Variants in SLC26A2 observed in about 807,000 individuals in gnomAD.
SLC26A2 encodes solute carrier family 26 member 2.
In SLC26A2, 36 loss-of-function variants were observed where a neutral mutation model predicts 41.1. The ratio of observed to expected loss-of-function variants is 0.88; its 90% CI spans 0.67 to 1.16. SLC26A2 has a LOEUF of 1.16. SLC26A2 is among the 50% of genes most tolerant of loss of function. The pLI, the probability that SLC26A2 is intolerant of heterozygous loss-of-function variation, is 0.00. For synonymous variants in SLC26A2, 291 were observed against 311.6 expected (o/e 0.93, Z 0.70); for missense variants, 796 against 869.6 (o/e 0.92, Z 1.07).
intron 1 of SLC26A2, among the ~76,000 whole-genome samples, chr5:149,961,716 A>G (rs245055): frequency 0.21 from 32,286 of 151,944 alleles, 4,158 homozygotes; most frequent in South Asian, 0.39. Flanking sequence ...CTTGTCCCCA[A>G]CAGTTCTTTA....
chr5:149,973,157 T>A (rs1390280584), intron 1 of SLC26A2, among the ~76,000 whole-genome samples: 3 of 151,710 alleles, frequency 2.0e-5, no homozygotes, highest in East Asian at 1.9e-4. Context: ...CATCTCTATT[T>A]AAAAAAAATA....
intron 2 of SLC26A2, among the ~76,000 whole-genome samples, chr5:149,978,693 C>CTT (rs777260569): frequency 4.9e-5 from 7 of 143,002 alleles, no homozygotes; most frequent in Non-Finnish European, 4.6e-5. Flanking sequence ...GAGTTTCTCA[C>CTT]TTTTTTTTTT....
chr5:149,964,791 A>T (rs1039565614), intron 1 of SLC26A2, among the ~76,000 whole-genome samples: 18 of 150,224 alleles, frequency 1.2e-4, no homozygotes, highest in East Asian at 3.9e-4. Flanking sequence ...ATAAAAAATT[A>T]AAAAAAAAAT....
intron 1 of SLC26A2, among the ~76,000 whole-genome samples, chr5:149,965,352 C>T (rs1250947956): frequency 1.3e-5 from 2 of 151,746 alleles, no homozygotes; most frequent in Non-Finnish European, 2.9e-5. Flanking sequence ...TGGTGGCAGG[C>T]GCCTGTAGTC....
chr5:149,965,213 T>C (rs149091238), intron 1 of SLC26A2, among the ~76,000 whole-genome samples: 4,320 of 152,306 alleles, frequency 0.028, 225 homozygotes, highest in African/African-American at 0.099. Flanking sequence ...CTGGGCGCGG[T>C]GGCTCACGCC....
At position 149,960,918 on chromosome 5, in the gene SLC26A2, A is replaced by T. The variant is rs1754690305; in HGVS notation, c.-87A>T. ...CGGCGCCGCGGTGTCCACCTCAGTCAGGCCACGGTGGAAGACGCGTGCCGC... is the reference window on the plus strand; with the variant it reads ...CGGCGCCGCGGTGTCCACCTCAGTCTGGCCACGGTGGAAGACGCGTGCCGC... On this transcript the variant is annotated 5_prime_UTR_variant, in exon 1 of 3. Transcript: ENST00000286298. 6.6e-6 allele frequency: 1 copy of T among 152,446 alleles called. No individual in the cohort carries two copies. The highest frequency in any genetic ancestry group is 1.5e-5 in the Non-Finnish European group (1 of 68,222). The allele number at this position is 152,446 out of a possible 1,614,324, so 9.4% of individuals were successfully genotyped here. A position where few individuals can be genotyped will look rare whatever the true frequency, so the allele number is the denominator to read the frequency against.
At chr5:149,980,033 G>A (rs1024129883) in intron 2 of SLC26A2, among the ~76,000 whole-genome samples, 8 of 151,968 alleles carry the variant, frequency 5.3e-5, no homozygotes, top group Non-Finnish European at 7.4e-5. Flanking sequence ...TTTAAGAAAC[G>A]TATGAAAAGA....
At chr5:149,978,435 C>G (rs1755036098) in intron 2 of SLC26A2, 84 bp downstream of exon 2, 1 of 1,128,808 alleles carries the variant, frequency 8.9e-7, no homozygotes, top group African/African-American at 1.5e-5. Flanking sequence ...TCTGAGGAAT[C>G]ACAATAATTA....
At position 149,985,626 on chromosome 5, in the gene SLC26A2, T is replaced by C. The variant is rs1345960959; in HGVS notation, c.*3813T>C. On this transcript the variant is annotated 3_prime_UTR_variant, in exon 3 of 3. Transcript: ENST00000286298. The stretch of plus-strand genomic sequence containing the variant: ...TGAGAAAAGGGCTACAGTGCATTTC[T>C]TGGTAACTTAAACTGAGTCTTGAAG... The C allele has an allele frequency of 1.3e-5, 2 of 152,246 alleles. No homozygotes were observed. The highest frequency in any genetic ancestry group is 2.4e-5 in the African/African-American group (1 of 41,460). The allele number at this position is 152,246 out of a possible 1,614,324, so 9.4% of individuals were successfully genotyped here.
intron 1 of SLC26A2, among the ~76,000 whole-genome samples, chr5:149,975,991 C>G (rs887754042): frequency 2.6e-5 from 4 of 152,130 alleles, no homozygotes; most frequent in South Asian, 4.2e-4. Flanking sequence ...AACCCTGTCT[C>G]TACTAAAAAT....
intron 1 of SLC26A2, among the ~76,000 whole-genome samples, chr5:149,964,079 G>A (rs979525150): frequency 2.6e-5 from 4 of 152,174 alleles, no homozygotes; most frequent in Non-Finnish European, 4.4e-5. Flanking sequence ...AATGTTTTTA[G>A]ACCATATTTG....
Position 149,977,761 on chromosome 5 carries a change from A to T in SLC26A2, c.109A>T (p.Thr37Ser). ...IHLELQRESS[T>S]DFKQFETNDQ... ...TCTGGAACTTCAAAGGGAATCAAGT[A>T]CTGACTTCAAGCAATTTGAGACCAA... is the stretch of plus-strand genomic sequence containing the variant. Residue 37 changes from threonine (T) to serine (S), a missense_variant, in exon 2 of 3, where the codon ACT becomes TCT. By Grantham distance (58) the Thr-to-Ser change is moderately conservative (BLOSUM62 1). Coordinates refer to ENST00000286298, the MANE Select transcript of SLC26A2 (RefSeq NM_000112.4). 1.9e-6 allele frequency: 3 copies of T among 1,613,824 alleles called. No homozygotes were observed. The highest frequency in any genetic ancestry group is 2.5e-6 in the Non-Finnish European group (3 of 1,179,676).
At chr5:149,971,966 C>T (rs1295252809) in intron 1 of SLC26A2, among the ~76,000 whole-genome samples, 1 of 152,148 alleles carries the variant, frequency 6.6e-6, no homozygotes, top group Non-Finnish European at 1.5e-5. Context: ...GTAAGCTCCT[C>T]CCACTAATCC....
At chr5:149,973,242 C>T (rs1754935429) in intron 1 of SLC26A2, among the ~76,000 whole-genome samples, 3 of 152,044 alleles carry the variant, frequency 2.0e-5, no homozygotes, top group Non-Finnish European at 2.9e-5. Context: ...TGTTGTCACA[C>T]ATTTATTTTG....
intron 1 of SLC26A2, among the ~76,000 whole-genome samples, chr5:149,972,492 G>A (rs1170573304): frequency 6.6e-6 from 1 of 152,182 alleles, no homozygotes; most frequent in Non-Finnish European, 1.5e-5. Flanking sequence ...ATTTTAAGGT[G>A]TTCAGAAATA....
At chr5:149,964,067 C>T (rs183556301) in intron 1 of SLC26A2, among the ~76,000 whole-genome samples, 1 of 152,112 alleles carries the variant, frequency 6.6e-6, no homozygotes, top group Non-Finnish European at 1.5e-5. Flanking sequence ...GAAGCTTATA[C>T]CAATGTTTTT....
At position 149,977,672 on chromosome 5, in the gene SLC26A2, A is replaced by G. The variant is rs1473390687; in HGVS notation, c.20A>G (p.Glu7Gly). ...CCAGAAATGTCTTCAGAAAGTAAAG[A>G]GCAACATAACGTTTCACCCAGAGAC... The part of the protein sequence containing the change: MSSESK[E>G]QHNVSPRDSA... The change falls in exon 2 of 3, where the codon GAG (glutamate) becomes GGG (glycine). Residue 7 changes from glutamate to glycine, a missense_variant. Glu to Gly is a moderately conservative substitution (Grantham distance 98). Coordinates refer to ENST00000286298, the MANE Select transcript of SLC26A2 (RefSeq NM_000112.4). The G allele has an allele frequency of 6.2e-7, 1 of 1,613,712 alleles. No homozygotes were observed. The highest frequency in any genetic ancestry group is 1.1e-5 in the South Asian group (1 of 91,084).
chr5:149,971,196 A>T (rs548888456), intron 1 of SLC26A2, among the ~76,000 whole-genome samples: 9 of 152,312 alleles, frequency 5.9e-5, no homozygotes, highest in Non-Finnish European at 7.4e-5. Flanking sequence ...CCTGGAAAGT[A>T]GCCTGTGCCA....
intron 1 of SLC26A2, among the ~76,000 whole-genome samples, chr5:149,963,557 G>A (rs1754751156): frequency 6.6e-6 from 1 of 151,600 alleles, no homozygotes; most frequent in South Asian, 2.1e-4. Flanking sequence ...GATTACAAGC[G>A]TGAGCCACCG....
Sources: allele counts gnomAD v4.1 joint callset (sites outside exome capture counted in the v4.1 genomes callset), GRCh38; gene constraint gnomAD v4.1.1; transcripts MANE v1.5; gene names NCBI Gene and HGNC (gene_info 2026-07-23, HGNC 2026-07-21).